Variants in SLC9A9 observed in about 807,000 individuals in gnomAD.
SLC9A9 encodes solute carrier family 9 member A9.
In SLC9A9, 62 loss-of-function variants were observed where a neutral mutation model predicts 77.8. The observed-to-expected ratio is 0.80, with a 90% CI of 0.65 to 0.98. The LOEUF (loss-of-function observed/expected upper bound fraction) is 0.98, where lower values mean the gene tolerates loss of function less well. Among genes scored for constraint, SLC9A9 ranks in the 50% least tolerant of loss-of-function variants. The probability of loss-of-function intolerance (pLI) is 0.00; values close to 1 mark genes in which losing one functional copy is unlikely to be tolerated. For missense variants in SLC9A9, 775 were observed against 774.9 expected (o/e 1.00, Z 0.00); for synonymous variants, 320 against 283.5 (o/e 1.13, Z -1.29).
intron 9 of SLC9A9, among the ~76,000 whole-genome samples, chr3:143,542,042 C>T (rs780683098): frequency 6.6e-6 from 1 of 152,232 alleles, no homozygotes; most frequent in South Asian, 2.1e-4. Context: ...ATATGTTGGT[C>T]GTGGAGTAAA....
intron 9 of SLC9A9, among the ~76,000 whole-genome samples, chr3:143,505,308 C>A (rs145891307): frequency 7.5e-4 from 114 of 152,284 alleles, no homozygotes; most frequent in African/African-American, 2.6e-3. Context: ...ACCCTCTTTT[C>A]AACCCAATTT....
intron 9 of SLC9A9, among the ~76,000 whole-genome samples, chr3:143,519,774 A>C (rs1475312486): frequency 6.6e-6 from 1 of 152,092 alleles, no homozygotes; most frequent in Non-Finnish European, 1.5e-5. Context: ...AAGTAGAGAG[A>C]GGTGAGAGGA....
At chr3:143,456,226 G>A (rs1040651824) in intron 12 of SLC9A9, among the ~76,000 whole-genome samples, 1 of 152,062 alleles carries the variant, frequency 6.6e-6, no homozygotes, top group Non-Finnish European at 1.5e-5. Flanking sequence ...TACTAAACCA[G>A]ACTTGCATTC....
chr3:143,806,852 A>G (rs1229076718), intron 2 of SLC9A9, among the ~76,000 whole-genome samples: 2 of 152,220 alleles, frequency 1.3e-5, no homozygotes, highest in Non-Finnish European at 2.9e-5. Context: ...CTTACTGTAC[A>G]TTTAAAATTA....
chr3:143,642,593 C>T (rs971612423), intron 6 of SLC9A9, among the ~76,000 whole-genome samples: 14 of 152,308 alleles, frequency 9.2e-5, no homozygotes, highest in African/African-American at 3.1e-4. Context: ...CAATTTATCT[C>T]TTTAATTTTG....
intron 6 of SLC9A9, among the ~76,000 whole-genome samples, chr3:143,593,621 G>A (rs991140418): frequency 5.9e-5 from 9 of 152,254 alleles, no homozygotes; most frequent in South Asian, 4.1e-4. Flanking sequence ...TAAAATAAAG[G>A]ACTGTGGCAC....
At chr3:143,652,742 C>T (rs562615999) in intron 5 of SLC9A9, among the ~76,000 whole-genome samples, 28 of 150,042 alleles carry the variant, frequency 1.9e-4, no homozygotes, top group African/African-American at 6.6e-4. Context: ...GCAATTCCTT[C>T]CTCGTCCACT....
intron 12 of SLC9A9, among the ~76,000 whole-genome samples, chr3:143,383,716 GC>G (rs2033355913): frequency 6.6e-6 from 1 of 152,112 alleles, no homozygotes; most frequent in Non-Finnish European, 1.5e-5. Flanking sequence ...GAGAGGTCTG[GC>G]CCAAGCTCCA....
At chr3:143,572,423 A>G (rs1411950499) in intron 8 of SLC9A9, among the ~76,000 whole-genome samples, 1 of 152,042 alleles carries the variant, frequency 6.6e-6, no homozygotes, top group African/African-American at 2.4e-5. Context: ...TTTTCTTATT[A>G]TTAATACTAC....
intron 5 of SLC9A9, among the ~76,000 whole-genome samples, chr3:143,661,328 A>G (rs1266455543): frequency 6.6e-6 from 1 of 152,186 alleles, no homozygotes; most frequent in Admixed American, 6.5e-5. Flanking sequence ...TGAAACTGGT[A>G]AAACTTAACA....
At chr3:143,400,890 C>T (rs1228495504) in intron 12 of SLC9A9, among the ~76,000 whole-genome samples, 1 of 152,020 alleles carries the variant, frequency 6.6e-6, no homozygotes, top group Non-Finnish European at 1.5e-5. Context: ...GTGAGTGCTT[C>T]CTTAGATTTT....
At chr3:143,356,047 C>T (rs2032576401) in intron 14 of SLC9A9, among the ~76,000 whole-genome samples, 1 of 152,046 alleles carries the variant, frequency 6.6e-6, no homozygotes, top group Admixed American at 6.5e-5. Flanking sequence ...TGTAGAATCC[C>T]AGGATCATTG....
rs577152570 is a variant in SLC9A9 at position 143,665,727 on chromosome 3, T to C, written c.650-13367A>G. Among the ~76,000 whole-genome samples, 6 of 152,050 alleles carry C rather than the reference T, an allele frequency of 3.9e-5. No homozygotes were observed. The South Asian group carries it at 1.2e-3, about 32-fold the overall frequency. ...ACTTCTGTGCAAATAAACTAGAAAA[T>C]TTAGAAGAAATGGATAAATTCCTGG... is the stretch of plus-strand genomic sequence containing the variant. On this transcript the variant is annotated intron_variant, in intron 5 of 15. Transcript: ENST00000316549.
chr3:143,834,611 A>C (rs1026631278), intron 1 of SLC9A9, among the ~76,000 whole-genome samples: 1 of 141,884 alleles, frequency 7.0e-6, no homozygotes, highest in African/African-American at 2.5e-5. Flanking sequence ...CTTTCAATGA[A>C]ACAACAAGAA....
chr3:143,495,371 A>T lies in SLC9A9; in HGVS notation c.1167T>A (p.Asn389Lys), dbSNP rs768648879. Residue 389 changes from asparagine (N) to lysine (K), a missense_variant, in exon 10 of 16, where the codon AAT becomes AAA. Coordinates refer to ENST00000316549, the MANE Select transcript of SLC9A9 (RefSeq NM_173653.4). The part of the protein sequence containing the change: ...YMGLALFTFQ[N>K]HIFNALFILG... ...GTATAAAAAGAGCATTAAAGATATG[A>T]TTCTGGAACGTGAACAGTGCCAGGC... 1.2e-6 allele frequency: 2 copies of T among 1,614,172 alleles called. No individual in the cohort carries two copies. Among genetic ancestry groups the T allele is most frequent in the Non-Finnish European group, 8.5e-7 (1 of 1,179,990 alleles).
At chr3:143,518,995 G>A (rs997891503) in intron 9 of SLC9A9, among the ~76,000 whole-genome samples, 6 of 152,170 alleles carry the variant, frequency 3.9e-5, no homozygotes, top group African/African-American at 1.4e-4. Flanking sequence ...GCCCAAACTT[G>A]ACATTTGTTG....
chr3:143,397,239 A>T (rs2033751193), intron 12 of SLC9A9, among the ~76,000 whole-genome samples: 1 of 152,220 alleles, frequency 6.6e-6, no homozygotes, highest in Non-Finnish European at 1.5e-5. Flanking sequence ...TTCTTCCCTA[A>T]GGCTTCACTC....
At chr3:143,694,870 C>T (rs1933582547) in intron 4 of SLC9A9, among the ~76,000 whole-genome samples, 1 of 152,138 alleles carries the variant, frequency 6.6e-6, no homozygotes, top group South Asian at 2.1e-4. Context: ...AATAATTCTA[C>T]CCTCTGAATT....
At chr3:143,314,438 T>A (rs1461359389) in intron 14 of SLC9A9, 1 of 152,230 alleles carries the variant, frequency 6.6e-6, no homozygotes, top group Non-Finnish European at 1.5e-5. Flanking sequence ...GGGACGAGGA[T>A]GGTTCGAATT....
Sources: allele counts gnomAD v4.1 joint callset (sites outside exome capture counted in the v4.1 genomes callset), GRCh38; gene constraint gnomAD v4.1.1; transcripts MANE v1.5; gene names NCBI Gene and HGNC (gene_info 2026-07-23, HGNC 2026-07-21).